Variants in MORC1 observed in about 807,000 individuals in gnomAD.
MORC1 encodes MORC family CW-type zinc finger protein 1.
A neutral mutation model predicts 134.9 loss-of-function variants in MORC1; 59 were observed. The observed-to-expected ratio is 0.44, with a 90% confidence interval of 0.35 to 0.54. MORC1 has a LOEUF of 0.54. Among genes scored for constraint, MORC1 ranks in the 20% least tolerant of loss-of-function variants. The pLI is 0.00. For synonymous variants in MORC1, 395 were observed against 391.7 expected, an observed-to-expected ratio of 1.01 and a Z score of -0.10; for missense variants, 947 against 1,134.5, an observed-to-expected ratio of 0.83 and a Z score of 2.37.
At position 109,054,821 on chromosome 3, in the gene MORC1, T is replaced by C. The variant is rs373695498; in HGVS notation, c.1237A>G (p.Asn413Asp). 5.0e-6 allele frequency: 8 copies of C among 1,607,984 alleles called. No homozygotes were observed. The highest frequency in any genetic ancestry group is 1.7e-5 in the Admixed American group (1 of 57,638). Residue 413 changes from asparagine (N) to aspartate (D), a missense_variant, in exon 14 of 28, where the codon AAT becomes GAT. This residue lies in a region of MORC1 where 722 missense variants were observed against 817.0 expected (regional missense o/e 0.88). Transcript: ENST00000232603. ...IPLEVMEPSHNKQEFLNVQEY... is the reference protein window; with the variant it reads ...IPLEVMEPSHDKQEFLNVQEY... ...TGGACATTGAGAAATTCCTGTTTAT[T>C]ATGGGATGGTTCCATGACCTCCAAG...
At chr3:109,070,383 T>C (rs1046126662) in intron 8 of MORC1, among the ~76,000 whole-genome samples, 1 of 152,078 alleles carries the variant, frequency 6.6e-6, no homozygotes, top group Non-Finnish European at 1.5e-5. Context: ...CCAACATAAA[T>C]AGCCTATGAA....
intron 8 of MORC1, among the ~76,000 whole-genome samples, chr3:109,088,814 C>T (rs1950663007): frequency 6.6e-6 from 1 of 152,072 alleles, no homozygotes; most frequent in South Asian, 2.1e-4. Context: ...GATATGGAAC[C>T]TAAATGTCCA....
intron 16 of MORC1, among the ~76,000 whole-genome samples, chr3:109,031,744 T>C (rs1426090862): frequency 6.6e-6 from 1 of 152,080 alleles, no homozygotes; most frequent in Non-Finnish European, 1.5e-5. Flanking sequence ...GGAACAGAAA[T>C]AAAAAGTGGA....
At chr3:108,986,074 T>C (rs1947885884) in intron 22 of MORC1, among the ~76,000 whole-genome samples, 1 of 152,028 alleles carries the variant, frequency 6.6e-6, no homozygotes, top group Non-Finnish European at 1.5e-5. Flanking sequence ...CATGGATTGA[T>C]AAAGAAAAGG....
chr3:109,067,782 G>T (rs1950230742), intron 9 of MORC1, among the ~76,000 whole-genome samples: 1 of 152,170 alleles, frequency 6.6e-6, no homozygotes, highest in Non-Finnish European at 1.5e-5. Flanking sequence ...AGTATAATTA[G>T]AGATCAAAAG....
At chr3:109,101,275 C>G (rs111595043) in intron 4 of MORC1, among the ~76,000 whole-genome samples, 2,040 of 152,252 alleles carry the variant, frequency 0.013, 29 homozygotes, top group African/African-American at 0.036. Context: ...TAGCCCTTAA[C>G]CAGGCCCATG....
At chr3:109,089,980 A>C (rs181372665) in intron 8 of MORC1, among the ~76,000 whole-genome samples, 53 of 152,256 alleles carry the variant, frequency 3.5e-4, no homozygotes, top group Admixed American at 3.3e-3. Context: ...CCTGGAACCT[A>C]TGTATGATTC....
intron 13 of MORC1, among the ~76,000 whole-genome samples, chr3:109,056,891 G>A (rs140080563): frequency 3.1e-4 from 47 of 152,222 alleles, no homozygotes; most frequent in African/African-American, 9.1e-4. Flanking sequence ...AATGTATTAC[G>A]CTAAAATCCA....
At chr3:109,023,169 G>A (rs1576643514) in intron 17 of MORC1, among the ~76,000 whole-genome samples, 1 of 152,194 alleles carries the variant, frequency 6.6e-6, no homozygotes, top group East Asian at 1.9e-4. Flanking sequence ...GACTGGAGAA[G>A]GACCAGAGGC....
At chr3:109,092,622 A>G (rs1950753746) in intron 8 of MORC1, among the ~76,000 whole-genome samples, 1 of 152,208 alleles carries the variant, frequency 6.6e-6, no homozygotes, top group African/African-American at 2.4e-5. Context: ...TTAAATGACA[A>G]TATTTTAGAT....
chr3:109,003,391 G>A (rs1247021578), intron 20 of MORC1, among the ~76,000 whole-genome samples: 2 of 146,650 alleles, frequency 1.4e-5, no homozygotes, highest in East Asian at 2.1e-4. Flanking sequence ...ATATGTGTAT[G>A]CACACACACA....
intron 21 of MORC1, among the ~76,000 whole-genome samples, chr3:108,996,465 C>G (rs1246688143): frequency 6.6e-6 from 1 of 152,122 alleles, no homozygotes. Context: ...CCAAATATCT[C>G]CGAAGGTCCA....
chr3:109,006,926 T>C, intron 18 of MORC1, 103 bp downstream of exon 18: 1 of 806,160 alleles, frequency 1.2e-6, no homozygotes, highest in Non-Finnish European at 1.9e-6. Context: ...TGCTTCACTA[T>C]GTGAACCTCA....
intron 26 of MORC1, among the ~76,000 whole-genome samples, chr3:108,965,207 C>CT (rs1491286061): frequency 6.6e-6 from 1 of 152,050 alleles, no homozygotes; most frequent in Non-Finnish European, 1.5e-5. Flanking sequence ...TCAGAAAACA[C>CT]TTTTTTCATA....
At chr3:109,071,043 T>G (rs1225923279) in intron 8 of MORC1, among the ~76,000 whole-genome samples, 1 of 152,210 alleles carries the variant, frequency 6.6e-6, no homozygotes, top group Non-Finnish European at 1.5e-5. Flanking sequence ...GCACTACAAA[T>G]ACAATAATGT....
At chr3:108,996,273 C>T (rs1047804231) in intron 21 of MORC1, among the ~76,000 whole-genome samples, 11 of 119,846 alleles carry the variant, frequency 9.2e-5, no homozygotes, top group East Asian at 2.2e-4. Flanking sequence ...TGTGCGCGTG[C>T]GTGCGCGCGC....
In MORC1 at chr3:109,002,492, A is replaced by G. The variant is rs373552813; in HGVS notation, c.2086-1834T>C. On this transcript the variant is annotated intron_variant, in intron 20 of 27. Coordinates refer to ENST00000232603, the MANE Select transcript of MORC1 (RefSeq NM_014429.4). ...GGGGTTGACCAAGGTTTCATGTGAC[A>G]CACGCATTTAAGCAGTATAGAAGAG... Among the ~76,000 whole-genome samples the G allele has an allele frequency of 7.2e-5, 11 of 152,306 alleles. No homozygotes were observed. The East Asian group carries it at 1.4e-3, about 19-fold the overall frequency.
chr3:109,065,383 C>T (rs891837421), intron 9 of MORC1, among the ~76,000 whole-genome samples: 2 of 152,124 alleles, frequency 1.3e-5, no homozygotes, highest in Non-Finnish European at 2.9e-5. Flanking sequence ...TCCCCTCCTT[C>T]TAGAACCATC....
intron 17 of MORC1, among the ~76,000 whole-genome samples, chr3:109,025,379 CTTTTTTTTTT>C (rs63701060): frequency 3.8e-4 from 40 of 105,072 alleles, no homozygotes; most frequent in African/African-American, 1.3e-3. Context: ...TTTCTTTTTT[CTTTTTTTTTT>C]TTTTTTTTTT....
Sources: gnomAD v4.1 joint callset for allele counts (sites outside exome capture counted in the v4.1 genomes callset) on GRCh38, gnomAD v4.1.1 for gene constraint, gnomAD v4.1.1 regional missense constraint, MANE v1.5 for transcripts, NCBI Gene and HGNC (gene_info 2026-07-23, HGNC 2026-07-21) for gene names.